The following SERPINA9 variants were observed in gnomAD, a reference collection of about 807,000 sequenced individuals.
The protein encoded by SERPINA9 is serpin A9.
SERPINA9 carries 32 observed loss-of-function variants against 24.5 expected under a neutral mutation model. That is an observed-to-expected ratio of 1.30 (90% confidence interval 0.98 to 1.75). The LOEUF (loss-of-function observed/expected upper bound fraction) is 1.75, where lower values mean the gene tolerates loss of function less well. Ranked by LOEUF, SERPINA9 falls within the 40% of genes most tolerant of loss-of-function variation. SERPINA9 has a pLI of 0.00. For missense variants in SERPINA9, 594 were observed against 497.1 expected (o/e 1.19, Z -1.85); for synonymous variants, 233 against 197.7 (o/e 1.18, Z -1.50).
chr14:94,467,189 AG>A lies in SERPINA9; in HGVS notation c.821del (p.Pro274LeufsTer6). 3.7e-6 allele frequency: 6 copies of A among 1,614,184 alleles called. No homozygotes were observed. The highest frequency in any genetic ancestry group is 1.3e-5 in the African/African-American group (1 of 75,038). ...KGDAVAFFVL[P>X]SKGKMRQLEQ... ...CCAGTTGCCTCATCTTGCCCTTGCT[AG>A]GGAGGACAAAGAAGGCCACGGCATC... On this transcript the variant is annotated frameshift_variant, in exon 3 of 5. Coordinates refer to ENST00000674397, the MANE Select transcript of SERPINA9 (RefSeq NM_175739.4). LOFTEE classifies it high-confidence loss of function.
intron 1 of SERPINA9, among the ~76,000 whole-genome samples, chr14:94,472,328 A>T (rs1899359588): frequency 6.6e-6 from 1 of 152,038 alleles, no homozygotes; most frequent in African/African-American, 2.4e-5. Context: ...GCTAATGGAA[A>T]AGCCCTTGTT....
chr14:94,475,950 AGCCTGGCTT>A (rs2139831721), intron 1 of SERPINA9, 177 bp downstream of exon 1: 1 of 758,848 alleles, frequency 1.3e-6, no homozygotes, highest in African/African-American at 1.7e-5. Flanking sequence ...GGTCCACTCC[AGCCTGGCTT>A]CTGTATCCAC....
chr14:94,462,823 A>T lies in SERPINA9; in HGVS notation c.*270T>A. The T allele has an allele frequency of 2.3e-6, 1 of 431,282 alleles. No individual in the cohort carries two copies. The highest frequency in any genetic ancestry group is 4.3e-6 in the Non-Finnish European group (1 of 234,552). The allele number at this position is 431,282 out of a possible 1,614,324, so 26.7% of individuals were successfully genotyped here. On this transcript the variant is annotated 3_prime_UTR_variant, in exon 5 of 5. Coordinates refer to ENST00000674397, the MANE Select transcript of SERPINA9 (RefSeq NM_175739.4). ...GCGTATTTCCATTCCTGGGAGCCCC[A>T]AGGAATGGAAATATGGTAACCCAGC...
chr14:94,462,789 C>A lies in SERPINA9; in HGVS notation c.*304G>T. ...GTAATTCTGCAATAGAGGTGCCTAA[C>A]CTGGGTTGGCGTATTTCCATTCCTG... is the stretch of plus-strand genomic sequence containing the variant. On this transcript the variant is annotated 3_prime_UTR_variant, in exon 5 of 5. Transcript: ENST00000674397. 5.5e-6 allele frequency: 2 copies of A among 366,114 alleles called. No individual in the cohort carries two copies. Among genetic ancestry groups the A allele is most frequent in the Non-Finnish European group, 1.0e-5 (2 of 195,526 alleles). The allele number at this position is 366,114 out of a possible 1,614,324, so 22.7% of individuals were successfully genotyped here.
chr14:94,465,689 G>A (rs767974209), intron 3 of SERPINA9, among the ~76,000 whole-genome samples: 9 of 152,084 alleles, frequency 5.9e-5, no homozygotes, highest in South Asian at 2.1e-4. Flanking sequence ...GGCCATGCCC[G>A]GCTAATTTTT....
intron 1 of SERPINA9, among the ~76,000 whole-genome samples, chr14:94,470,984 G>C (rs529600738): frequency 6.6e-6 from 1 of 152,174 alleles, no homozygotes; most frequent in East Asian, 1.9e-4. Context: ...GGCCAGGGGA[G>C]GTCTGTGCTC....
At chr14:94,466,419 T>G (rs916506903) in intron 3 of SERPINA9, among the ~76,000 whole-genome samples, 4 of 152,190 alleles carry the variant, frequency 2.6e-5, no homozygotes, top group Non-Finnish European at 5.9e-5. Context: ...GAATTCCAGT[T>G]ACACTGCAGC....
chr14:94,466,130 A>G (rs964370296), intron 3 of SERPINA9, among the ~76,000 whole-genome samples: 1 of 151,762 alleles, frequency 6.6e-6, no homozygotes, highest in Non-Finnish European at 1.5e-5. Flanking sequence ...TCCTCTTCCT[A>G]TCCCCAGCCC....
At position 94,464,936 on chromosome 14, in the gene SERPINA9, C is replaced by G. The variant is rs768004978; in HGVS notation, c.903-82G>C. The G allele has an allele frequency of 8.0e-5, 96 of 1,197,036 alleles. No individual in the cohort carries two copies. In the African/African-American group the frequency reaches 1.4e-3, roughly 17 times the overall value. 74.2% of individuals were successfully genotyped at this position (1,197,036 alleles called of 1,614,324 possible). A position where few individuals can be genotyped will look rare whatever the true frequency, so the allele number is the denominator to read the frequency against. ...TGCTCCTAGATGCCATTTTGGGAGA[C>G]TCCGTTCTTCCTCCAACCACTGCTA... On this transcript the variant is annotated intron_variant, in intron 3 of 4. Transcript: ENST00000674397.
intron 2 of SERPINA9, among the ~76,000 whole-genome samples, chr14:94,467,831 C>A (rs927624348): frequency 2.0e-5 from 3 of 147,784 alleles, no homozygotes; most frequent in East Asian, 2.0e-4. Context: ...ATGGATGAAC[C>A]GATAGAGGGA....
chr14:94,466,567 T>C (rs1182746060), intron 3 of SERPINA9, among the ~76,000 whole-genome samples: 1 of 152,202 alleles, frequency 6.6e-6, no homozygotes, highest in Non-Finnish European at 1.5e-5. Flanking sequence ...CTTTTTGCTA[T>C]TCTCCATATT....
chr14:94,470,672 G>C (rs552815480), intron 1 of SERPINA9, among the ~76,000 whole-genome samples: 2 of 152,220 alleles, frequency 1.3e-5, no homozygotes, highest in Non-Finnish European at 2.9e-5. Context: ...TTGTTCAGAG[G>C]ACTGAGTGTG....
At chr14:94,475,563 A>C (rs988432411) in intron 1 of SERPINA9, among the ~76,000 whole-genome samples, 1 of 151,976 alleles carries the variant, frequency 6.6e-6, no homozygotes, top group East Asian at 1.9e-4. Flanking sequence ...GCCTATCCCT[A>C]CTTTCCCAGT....
chr14:94,472,902 G>A (rs1191139400), intron 1 of SERPINA9, among the ~76,000 whole-genome samples: 1 of 152,218 alleles, frequency 6.6e-6, no homozygotes, highest in South Asian at 2.1e-4. Flanking sequence ...GAACAGAAAA[G>A]GTTCTGACAC....
chr14:94,467,536 C>T (rs1052150821), intron 2 of SERPINA9, among the ~76,000 whole-genome samples, 154 bp from the exon 3 acceptor site: 1 of 152,100 alleles, frequency 6.6e-6, no homozygotes, highest in African/African-American at 2.4e-5. Context: ...AGTAGTTGCC[C>T]AAACTTGTGA....
At position 94,463,260 on chromosome 14, in the gene SERPINA9, C is replaced by T; in HGVS notation, c.1087G>A (p.Gly363Ser). 6.2e-7 allele frequency: 1 copy of T among 1,614,158 alleles called. No individual in the cohort carries two copies. Among genetic ancestry groups the T allele is most frequent in the Non-Finnish European group, 8.5e-7 (1 of 1,180,030 alleles). ...GTGGTAGCTGCTGTGGCCTCAGTGC[C>T]CTCTTCACTGACATCCAGCACAGCC... is the stretch of plus-strand genomic sequence containing the variant. ...HKAVLDVSEE[G>S]TEATAATTTK... Residue 363 changes from glycine to serine, a missense_variant, in exon 5 of 5, where the codon GGC becomes AGC. Gly to Ser is a moderately conservative substitution (Grantham distance 56). Transcript: ENST00000674397.
Position 94,467,276 on chromosome 14 carries a change from C to G in SERPINA9, c.735G>C (p.Gln245His), listed in dbSNP as rs376153788. 9 of 1,614,036 alleles carry G rather than the reference C, an allele frequency of 5.6e-6. No homozygotes were observed. The highest frequency in any genetic ancestry group is 7.6e-6 in the Non-Finnish European group (9 of 1,179,986). The change falls in exon 3 of 5, where the codon CAG (glutamine) becomes CAC (histidine). Residue 245 changes from glutamine to histidine, a missense_variant. Gln to His is a conservative substitution (Grantham distance 24). Coordinates refer to ENST00000674397, the MANE Select transcript of SERPINA9 (RefSeq NM_175739.4). Reference sequence around the variant, plus strand: ...GCTCTGTATCCACCCCAAAAGCGAACTGCTCTTTCTGGTGCATCATGGGGA... The same window carrying G: ...GCTCTGTATCCACCCCAAAAGCGAAGTGCTCTTTCTGGTGCATCATGGGGA... Reference protein sequence around the residue: ...VHVPMMHQKEQFAFGVDTELN... With the variant: ...VHVPMMHQKEHFAFGVDTELN...
intron 2 of SERPINA9, among the ~76,000 whole-genome samples, chr14:94,467,943 GGA>G (rs1899096633): frequency 4.1e-5 from 4 of 97,234 alleles, no homozygotes; most frequent in Non-Finnish European, 8.7e-5. Flanking sequence ...ATGGATGGAT[GGA>G]TAGATGGATG....
At chr14:94,468,867 T>C (rs918262424) in intron 2 of SERPINA9, among the ~76,000 whole-genome samples, 2 of 152,230 alleles carry the variant, frequency 1.3e-5, no homozygotes, top group African/African-American at 4.8e-5. Flanking sequence ...TGTTTCTTTC[T>C]AAAACTTTCA....
Sources: allele counts gnomAD v4.1 joint callset (sites outside exome capture counted in the v4.1 genomes callset), GRCh38; gene constraint gnomAD v4.1.1; transcripts MANE v1.5; gene names NCBI Gene and HGNC (gene_info 2026-07-23, HGNC 2026-07-21).